CPNE8: variants seen among roughly 807,000 people sequenced by gnomAD.
The protein encoded by CPNE8 is copine-8.
Under a neutral mutation model 81.5 loss-of-function variants are expected in CPNE8, and 45 were observed. That is an observed-to-expected ratio of 0.55 (90% CI 0.44 to 0.71). The LOEUF is 0.71. Among genes scored for constraint, CPNE8 ranks in the 30% least tolerant of loss-of-function variants. The pLI is 0.00. For missense variants in CPNE8, 594 were observed against 672.1 expected (o/e 0.88, Z 1.28); for synonymous variants, 252 against 226.3 (o/e 1.11, Z -1.02).
intron 19 of CPNE8, among the ~76,000 whole-genome samples, chr12:38,656,051 C>G (rs1938808307): frequency 6.7e-6 from 1 of 150,350 alleles, no homozygotes; most frequent in Non-Finnish European, 1.5e-5. Flanking sequence ...AGTGTTTATT[C>G]CCTAGCTATG....
At chr12:38,840,537 C>G (rs1183642814) in intron 4 of CPNE8, among the ~76,000 whole-genome samples, 1 of 152,222 alleles carries the variant, frequency 6.6e-6, no homozygotes, top group South Asian at 2.1e-4. Flanking sequence ...CTATGTTTAT[C>G]TCAAAATAAA....
Position 38,874,501 on chromosome 12 carries a change from C to A in CPNE8, c.109G>T (p.Asp37Tyr). Reference protein sequence around the residue: ...EVSVSCRNLLDRDTFSKSDPI... With the variant: ...EVSVSCRNLLYRDTFSKSDPI... ...TCAGATTTAGAAAATGTGTCTCTGT[C>A]AAGAAGATTTCTGTTGAATAAAACA... Residue 37 changes from aspartate (D) to tyrosine (Y), a missense_variant, in exon 2 of 20, where the codon GAC (aspartate) becomes TAC (tyrosine). Physicochemically the swap from Asp to Tyr is radical, Grantham distance 160. Transcript: ENST00000331366. 2 of 1,606,462 alleles carry A rather than the reference C, an allele frequency of 1.2e-6. No homozygotes were observed. Among genetic ancestry groups the A allele is most frequent in the Non-Finnish European group, 1.7e-6 (2 of 1,175,274 alleles).
chr12:38,775,797 T>C (rs1210326817), intron 7 of CPNE8, among the ~76,000 whole-genome samples: 1 of 152,192 alleles, frequency 6.6e-6, no homozygotes, highest in Non-Finnish European at 1.5e-5. Context: ...ATGGAACCAA[T>C]ATAAATTCTG....
chr12:38,742,288 T>C (rs1373133961), intron 10 of CPNE8, among the ~76,000 whole-genome samples: 2 of 152,052 alleles, frequency 1.3e-5, no homozygotes, highest in Non-Finnish European at 2.9e-5. Flanking sequence ...CAAATGTCCA[T>C]CAATGATAGA....
chr12:38,835,589 C>G (rs1226728040), intron 5 of CPNE8, among the ~76,000 whole-genome samples: 4 of 152,044 alleles, frequency 2.6e-5, no homozygotes, highest in South Asian at 2.1e-4. Flanking sequence ...GCCTGTCTGC[C>G]TATATGAATA....
chr12:38,668,275 T>G (rs1189351497), intron 19 of CPNE8, among the ~76,000 whole-genome samples: 2 of 152,134 alleles, frequency 1.3e-5, no homozygotes, highest in Non-Finnish European at 2.9e-5. Flanking sequence ...ATAGAGAAAT[T>G]TTTTTACTTG....
chr12:38,842,210 C>A (rs867695741), intron 4 of CPNE8, among the ~76,000 whole-genome samples: 5 of 151,992 alleles, frequency 3.3e-5, no homozygotes, highest in African/African-American at 9.7e-5. Context: ...ATTTTTTTAT[C>A]CAAGAAATGT....
At position 38,757,968 on chromosome 12, in the gene CPNE8, T is replaced by A. The variant is rs1941495214; in HGVS notation, c.722+2879A>T. Among the ~76,000 whole-genome samples, 3 of 152,044 alleles carry A rather than the reference T, an allele frequency of 2.0e-5. No individual in the cohort carries two copies. In the South Asian group the frequency reaches 6.2e-4, roughly 32 times the overall value. On this transcript the variant is annotated intron_variant, in intron 10 of 19. Coordinates refer to ENST00000331366, the MANE Select transcript of CPNE8 (RefSeq NM_153634.3). ...GAGTATTTAAAAATGCATTAATATA[T>A]CCTCCAGCACTGCCAATCTTCCCCC...
chr12:38,704,374 ATGTGTGCG>A (rs1376089656), intron 13 of CPNE8, among the ~76,000 whole-genome samples: 1 of 151,976 alleles, frequency 6.6e-6, no homozygotes, highest in Non-Finnish European at 1.5e-5. Flanking sequence ...GTGTATATGT[ATGTGTGCG>A]TGTGTGTGTG....
intron 15 of CPNE8, among the ~76,000 whole-genome samples, chr12:38,692,356 C>T (rs1370675584): frequency 6.6e-6 from 1 of 151,772 alleles, no homozygotes; most frequent in Non-Finnish European, 1.5e-5. Flanking sequence ...CTTAAGAATA[C>T]AGGTTGAGTA....
At chr12:38,795,520 A>G (rs758183232) in intron 6 of CPNE8, among the ~76,000 whole-genome samples, 12 of 152,226 alleles carry the variant, frequency 7.9e-5, no homozygotes, top group Non-Finnish European at 1.5e-4. Flanking sequence ...TGGTATATAC[A>G]TAGGATGGAA....
intron 1 of CPNE8, among the ~76,000 whole-genome samples, chr12:38,889,001 T>G (rs1944274231): frequency 6.6e-6 from 1 of 152,244 alleles, no homozygotes; most frequent in South Asian, 2.1e-4. Flanking sequence ...TGCAATACAC[T>G]GGACTAGAAG....
At chr12:38,780,368 T>C (rs1942024680) in intron 6 of CPNE8, among the ~76,000 whole-genome samples, 1 of 152,114 alleles carries the variant, frequency 6.6e-6, no homozygotes, top group Admixed American at 6.6e-5. Flanking sequence ...GTAAAAGGTC[T>C]AATAATATGT....
intron 6 of CPNE8, among the ~76,000 whole-genome samples, chr12:38,798,268 T>A (rs1248098479): frequency 6.6e-6 from 1 of 151,664 alleles, no homozygotes; most frequent in African/African-American, 2.4e-5. Flanking sequence ...AAAGTTGAAA[T>A]GAAGGAAAAA....
In CPNE8 at chr12:38,795,905, T is replaced by C. The variant is rs77601050; in HGVS notation, c.408-19604A>G. Among the ~76,000 whole-genome samples, 355 of 148,334 alleles carry C rather than the reference T, an allele frequency of 2.4e-3. 1 individual carries two copies. The highest frequency in any genetic ancestry group is 8.0e-3 in the African/African-American group (324 of 40,290). On this transcript the variant is annotated intron_variant, in intron 6 of 19. Transcript: ENST00000331366. ...GATAGATAGATAGATAGATAGAAGA[T>C]AGATAATACAACATGACCAGTTGAG...
At chr12:38,834,343 A>G (rs1943347433) in intron 5 of CPNE8, among the ~76,000 whole-genome samples, 1 of 152,066 alleles carries the variant, frequency 6.6e-6, no homozygotes, top group Non-Finnish European at 1.5e-5. Flanking sequence ...ACTTGGCCTT[A>G]CCATGGGTCT....
chr12:38,702,871 T>C lies in CPNE8; in HGVS notation c.961+4A>G. The C allele has an allele frequency of 6.5e-7, 1 of 1,534,532 alleles. No homozygotes were observed. Among genetic ancestry groups the C allele is most frequent in the Admixed American group, 1.9e-5 (1 of 52,974 alleles). On this transcript the variant is annotated splice_donor_region_variant and intron_variant, in intron 14 of 19. Coordinates refer to ENST00000331366, the MANE Select transcript of CPNE8 (RefSeq NM_153634.3). ...TTTTATCAGGGGATAATCAAAACACTCACCGTTTGATGCTGTAAAATCAAT... is the reference window on the plus strand; with the variant it reads ...TTTTATCAGGGGATAATCAAAACACCCACCGTTTGATGCTGTAAAATCAAT...
chr12:38,812,003 A>G (rs1008521027), intron 6 of CPNE8, among the ~76,000 whole-genome samples: 2 of 152,218 alleles, frequency 1.3e-5, no homozygotes, highest in African/African-American at 4.8e-5. Flanking sequence ...CATAGTAATG[A>G]TGTCATAACT....
chr12:38,888,479 A>G (rs780122445), intron 1 of CPNE8, among the ~76,000 whole-genome samples: 5 of 152,264 alleles, frequency 3.3e-5, no homozygotes, highest in Non-Finnish European at 5.9e-5. Flanking sequence ...ACCATTGGAC[A>G]ATTCAGAAGT....
Sources: gnomAD v4.1 joint callset for allele counts (sites outside exome capture counted in the v4.1 genomes callset) on GRCh38, gnomAD v4.1.1 for gene constraint, MANE v1.5 for transcripts, NCBI Gene and HGNC (gene_info 2026-07-23, HGNC 2026-07-21) for gene names.